The following PTPRG variants were observed in gnomAD, a reference collection of about 807,000 sequenced individuals.
PTPRG encodes protein tyrosine phosphatase receptor type G.
Under a neutral mutation model 165.3 loss-of-function variants are expected in PTPRG, and 102 were observed. The ratio of observed to expected loss-of-function variants is 0.62; its 90% CI spans 0.53 to 0.73. PTPRG has a LOEUF of 0.73. Ranked by LOEUF, PTPRG falls within the 30% of genes least tolerant of loss-of-function variation. The pLI, the probability that PTPRG is intolerant of heterozygous loss-of-function variation, is 0.00. For synonymous variants in PTPRG, 675 were observed against 669.5 expected (o/e 1.01, Z -0.13); for missense variants, 1,866 against 1,861.4 (o/e 1.00, Z -0.05).
At chr3:62,276,404 G>T (rs1369904281) in intron 24 of PTPRG, 1 of 157,066 alleles carries the variant, frequency 6.4e-6, no homozygotes, top group Admixed American at 6.4e-5. Context: ...TGTACAACTA[G>T]AACTACCTTA....
chr3:61,806,513 G>A (rs1366361204), intron 2 of PTPRG, among the ~76,000 whole-genome samples: 1 of 152,124 alleles, frequency 6.6e-6, no homozygotes, highest in African/African-American at 2.4e-5. Context: ...TAATGATTAA[G>A]TCTTTTTGGT....
intron 2 of PTPRG, among the ~76,000 whole-genome samples, chr3:61,955,865 A>C (rs2040015423): frequency 6.6e-6 from 1 of 152,168 alleles, no homozygotes; most frequent in South Asian, 2.1e-4. Flanking sequence ...AAAGAAATAA[A>C]AATACTTTGT....
Position 62,296,999 on chromosome 3 carries a change from G to A in PTPRG, c.*3692G>A, listed in dbSNP as rs1448120498. The A allele has an allele frequency of 6.6e-6, 1 of 151,852 alleles. No homozygotes were observed. The highest frequency in any genetic ancestry group is 1.9e-4 in the East Asian group (1 of 5,182). The allele number at this position is 151,852 out of a possible 1,614,324, so 9.4% of individuals were successfully genotyped here. ...TGGGGTAGTGACTCCTTTTTTGTTA[G>A]GACATTTGAAACTAGCAAGCAGCCA... On this transcript the variant is annotated 3_prime_UTR_variant, in exon 30 of 30. Coordinates refer to ENST00000474889, the MANE Select transcript of PTPRG (RefSeq NM_002841.4).
chr3:61,782,625 T>C (rs941174067), intron 2 of PTPRG, among the ~76,000 whole-genome samples: 1 of 152,232 alleles, frequency 6.6e-6, no homozygotes, highest in African/African-American at 2.4e-5. Flanking sequence ...ATTTTGTTAA[T>C]TGAGGCAGAG....
chr3:61,819,080 G>T (rs1329779233), intron 2 of PTPRG, among the ~76,000 whole-genome samples: 1 of 152,034 alleles, frequency 6.6e-6, no homozygotes, highest in African/African-American at 2.4e-5. Context: ...AAGGAAAATT[G>T]GATTCTTGTG....
chr3:62,149,960 G>A (rs954830826), intron 6 of PTPRG, among the ~76,000 whole-genome samples: 1 of 152,136 alleles, frequency 6.6e-6, no homozygotes, highest in Non-Finnish European at 1.5e-5. Flanking sequence ...AAACCAGGCA[G>A]AGTCCCTCTG....
chr3:62,258,271 T>G lies in PTPRG; in HGVS notation c.2559+3056T>G, dbSNP rs143902420. Among the ~76,000 whole-genome samples, 29 of 152,270 alleles carry G rather than the reference T, an allele frequency of 1.9e-4. No homozygotes were observed. The East Asian group carries it at 5.2e-3, about 27-fold the overall frequency. On this transcript the variant is annotated intron_variant, in intron 16 of 29. Transcript: ENST00000474889. The stretch of plus-strand genomic sequence containing the variant: ...AACTGAAAAGTTAACAACTGGACAT[T>G]AAGAGGAGCTAAAACAACCCATCTA...
At chr3:61,710,625 T>G (rs528720894) in intron 1 of PTPRG, among the ~76,000 whole-genome samples, 17 of 152,004 alleles carry the variant, frequency 1.1e-4, no homozygotes, top group African/African-American at 4.1e-4. Flanking sequence ...TTTTTTTTTT[T>G]AAAGCTCATT....
Position 62,271,575 on chromosome 3 carries a change from A to G in PTPRG, c.3182+20A>G. On this transcript the variant is annotated intron_variant, in intron 21 of 29. Coordinates refer to ENST00000474889, the MANE Select transcript of PTPRG (RefSeq NM_002841.4). This position sits in a 1 kb window ranked among gnomAD's most constrained non-coding sequence, Gnocchi z 4.1. ...CTGCAGGTAGGGTCTAGGATTCAAC[A>G]TGTGAAATAGATGGGGCAGGGGACT... 1.2e-6 allele frequency: 2 copies of G among 1,605,034 alleles called. No homozygotes were observed. The highest frequency in any genetic ancestry group is 1.7e-6 in the Non-Finnish European group (2 of 1,175,128).
chr3:62,220,543 A>G (rs541500156), intron 13 of PTPRG, among the ~76,000 whole-genome samples: 24 of 152,244 alleles, frequency 1.6e-4, no homozygotes, highest in Middle Eastern at 3.4e-3. Context: ...ACAGAAGAAT[A>G]AGGAAGGAGG....
chr3:62,070,283 A>G (rs1388056814), intron 4 of PTPRG, among the ~76,000 whole-genome samples: 1 of 152,152 alleles, frequency 6.6e-6, no homozygotes, highest in Non-Finnish European at 1.5e-5. Context: ...TTTGGCTTGT[A>G]TTTGCACCTT....
chr3:61,774,798 C>T (rs1245953025), intron 2 of PTPRG, among the ~76,000 whole-genome samples: 1 of 152,128 alleles, frequency 6.6e-6, no homozygotes, highest in Non-Finnish European at 1.5e-5. Context: ...AGCAGCTTCT[C>T]GGGTTGTTAA....
chr3:62,107,637 G>A (rs942971055), intron 5 of PTPRG, among the ~76,000 whole-genome samples: 3 of 152,152 alleles, frequency 2.0e-5, no homozygotes, highest in African/African-American at 7.2e-5. Flanking sequence ...TTGTAACAGA[G>A]AAAATGTACA....
chr3:62,269,296 C>G (rs952551321), intron 20 of PTPRG, 127 bp downstream of exon 20: 6 of 1,013,610 alleles, frequency 5.9e-6, no homozygotes, highest in African/African-American at 1.6e-5. Flanking sequence ...AACATTTTTT[C>G]ATAACTCTTT....
chr3:62,064,229 C>T (rs1262206300), intron 4 of PTPRG, among the ~76,000 whole-genome samples: 1 of 152,186 alleles, frequency 6.6e-6, no homozygotes, highest in African/African-American at 2.4e-5. Context: ...AGTCTTCTCC[C>T]CAGAGAAAAC....
At chr3:61,981,968 C>A (rs542448196) in intron 2 of PTPRG, among the ~76,000 whole-genome samples, 4 of 152,286 alleles carry the variant, frequency 2.6e-5, no homozygotes, top group Admixed American at 2.6e-4. Context: ...TTGGAGCCAA[C>A]ATGCAAGGTA....
intron 2 of PTPRG, among the ~76,000 whole-genome samples, chr3:61,819,033 T>A (rs1193264673): frequency 6.6e-6 from 1 of 152,126 alleles, no homozygotes; most frequent in African/African-American, 2.4e-5. Context: ...AAAAATCCTT[T>A]GAGCATCCCA....
intron 5 of PTPRG, among the ~76,000 whole-genome samples, chr3:62,117,320 A>G (rs561411047): frequency 1.3e-5 from 2 of 152,340 alleles, no homozygotes; most frequent in South Asian, 2.1e-4. Context: ...TGTTCTACCA[A>G]CAGAATCATT....
intron 1 of PTPRG, among the ~76,000 whole-genome samples, chr3:61,642,023 G>T (rs2106955188): frequency 6.6e-6 from 1 of 152,304 alleles, no homozygotes; most frequent in Admixed American, 6.5e-5. Context: ...TGGTGCCGTT[G>T]CCCGCAAGGC....
Sources: gnomAD v4.1 joint callset for allele counts (sites outside exome capture counted in the v4.1 genomes callset) on GRCh38, gnomAD v4.1.1 for gene constraint, Gnocchi (gnomAD v3.1) non-coding constraint, MANE v1.5 for transcripts, NCBI Gene and HGNC (gene_info 2026-07-23, HGNC 2026-07-21) for gene names.